The following MINDY4 variants were observed in gnomAD, a reference collection of about 807,000 sequenced individuals.
MINDY4 encodes probable ubiquitin carboxyl-terminal hydrolase MINDY-4.
A neutral mutation model predicts 87.0 loss-of-function variants in MINDY4; 68 were observed. The observed-to-expected ratio is 0.78, with a 90% CI of 0.64 to 0.96. The LOEUF is 0.96. MINDY4 is among the 40% of genes least tolerant of loss of function. The pLI is 0.00. For missense variants in MINDY4, 919 were observed against 928.2 expected, an observed-to-expected ratio of 0.99 and a Z score of 0.13; for synonymous variants, 379 against 363.2, an observed-to-expected ratio of 1.04 and a Z score of -0.50.
intron 1 of MINDY4, among the ~76,000 whole-genome samples, chr7:30,777,689 C>G (rs1786868382): frequency 6.6e-6 from 1 of 152,202 alleles, no homozygotes; most frequent in Non-Finnish European, 1.5e-5. Flanking sequence ...AGGAACACCC[C>G]TAACACCAGG....
chr7:30,817,806 C>G (rs138673352), intron 5 of MINDY4, among the ~76,000 whole-genome samples: 1 of 152,336 alleles, frequency 6.6e-6, no homozygotes, highest in East Asian at 1.9e-4. Context: ...CTGTCCATGT[C>G]TGAACAACTC....
chr7:30,884,376 T>G (rs934901441), intron 17 of MINDY4, among the ~76,000 whole-genome samples: 1 of 152,180 alleles, frequency 6.6e-6, no homozygotes, highest in Non-Finnish European at 1.5e-5. Context: ...TGCTGGTGCT[T>G]CTTTCGTCGG....
intron 3 of MINDY4, 51 bp downstream of exon 3, chr7:30,782,263 A>G (rs2128166060): frequency 7.2e-7 from 1 of 1,398,378 alleles, no homozygotes; most frequent in Middle Eastern, 1.8e-4. Flanking sequence ...TGCCATAACA[A>G]ATTACTATGT....
intron 5 of MINDY4, among the ~76,000 whole-genome samples, chr7:30,823,468 C>T (rs1051002339): frequency 1.3e-5 from 2 of 152,172 alleles, no homozygotes; most frequent in Non-Finnish European, 2.9e-5. Context: ...CTTCTTCCTT[C>T]TTTCCCTTCA....
chr7:30,785,291 CA>C (rs1562529915), intron 3 of MINDY4, among the ~76,000 whole-genome samples: 17 of 151,946 alleles, frequency 1.1e-4, no homozygotes, highest in South Asian at 1.0e-3. Context: ...CACACACACA[CA>C]CACACACACC....
chr7:30,845,831 C>G (rs1489337113), intron 9 of MINDY4, among the ~76,000 whole-genome samples: 1 of 152,234 alleles, frequency 6.6e-6, no homozygotes, highest in African/African-American at 2.4e-5. Flanking sequence ...GCAGGACTGT[C>G]TGGCTTCATT....
chr7:30,788,318 TG>T (rs1394493757), intron 4 of MINDY4, among the ~76,000 whole-genome samples: 1 of 152,260 alleles, frequency 6.6e-6, no homozygotes, highest in Non-Finnish European at 1.5e-5. Flanking sequence ...GTGAACTTTT[TG>T]TACCTTATCA....
At chr7:30,801,713 A>G (rs1012785379) in intron 5 of MINDY4, among the ~76,000 whole-genome samples, 11 of 152,186 alleles carry the variant, frequency 7.2e-5, no homozygotes, top group African/African-American at 2.7e-4. Flanking sequence ...TTGTGTGGTT[A>G]TTATAACCCC....
chr7:30,852,266 G>A lies in MINDY4; in HGVS notation c.1598G>A (p.Gly533Glu). 1.2e-6 allele frequency: 2 copies of A among 1,614,164 alleles called. No homozygotes were observed. Among genetic ancestry groups the A allele is most frequent in the Non-Finnish European group, 1.7e-6 (2 of 1,179,998 alleles). ...CCAACAGGGAAATACAAAGCAGATGGAGTCTTAGAAACAGTACGACTTTCT... is the reference window on the plus strand; with the variant it reads ...CCAACAGGGAAATACAAAGCAGATGAAGTCTTAGAAACAGTACGACTTTCT... Reference protein sequence around the residue: ...FSPTGKYKADGVLETLTLHSL... With the variant: ...FSPTGKYKADEVLETLTLHSL... Residue 533 changes from glycine (G) to glutamate (E), a missense_variant, in exon 11 of 18, where the codon GGA becomes GAA. Coordinates refer to ENST00000265299, the MANE Select transcript of MINDY4 (RefSeq NM_032222.3).
intron 5 of MINDY4, among the ~76,000 whole-genome samples, chr7:30,794,903 T>C (rs934271471): frequency 6.6e-6 from 1 of 152,146 alleles, no homozygotes; most frequent in Non-Finnish European, 1.5e-5. Context: ...TCTCTACACA[T>C]TTGTGGCTCT....
chr7:30,840,670 A>G, intron 8 of MINDY4, 90 bp from the exon 9 acceptor site: 3 of 1,069,914 alleles, frequency 2.8e-6, no homozygotes, highest in Non-Finnish European at 4.2e-6. Flanking sequence ...CCTTTACTCT[A>G]TCAGGTGGGT....
intron 8 of MINDY4, 83 bp downstream of exon 8, chr7:30,839,399 T>C: frequency 2.5e-6 from 2 of 794,606 alleles, no homozygotes; most frequent in Non-Finnish European, 4.0e-6. Flanking sequence ...TTTTGGTTAA[T>C]CCTGTGAGCA....
chr7:30,819,892 A>AT (rs60124746), intron 5 of MINDY4, among the ~76,000 whole-genome samples: 6,282 of 96,734 alleles, frequency 0.065, 1,244 homozygotes, highest in African/African-American at 0.17. Flanking sequence ...CATATAGATA[A>AT]TTTTTTTTTT....
At chr7:30,802,290 A>G (rs1199882194) in intron 5 of MINDY4, among the ~76,000 whole-genome samples, 2 of 151,752 alleles carry the variant, frequency 1.3e-5, no homozygotes, top group East Asian at 3.9e-4. Context: ...TCACTCTCAC[A>G]GTTGTTCAGC....
In MINDY4 at chr7:30,809,037, A is replaced by C. The variant is rs151148658; in HGVS notation, c.1073+17463A>C. Among the ~76,000 whole-genome samples the C allele has an allele frequency of 4.6e-4, 70 of 152,150 alleles. 1 individual carries two copies. Among genetic ancestry groups the C allele is most frequent in the African/African-American group, 1.6e-3 (67 of 41,498 alleles). ...AAATCAAAGAGAGAAAGAAAGAAAG[A>C]GAGAGATATATAAGTAGTTAAGAAA... On this transcript the variant is annotated intron_variant, in intron 5 of 17. Transcript: ENST00000265299.
chr7:30,775,297 C>T (rs1786775940), intron 1 of MINDY4, among the ~76,000 whole-genome samples: 1 of 152,172 alleles, frequency 6.6e-6, no homozygotes, highest in African/African-American at 2.4e-5. Flanking sequence ...CCCACAACCC[C>T]CTCCACAGTT....
At chr7:30,889,263 A>G (rs1387018570) in intron 17 of MINDY4, among the ~76,000 whole-genome samples, 4 of 152,220 alleles carry the variant, frequency 2.6e-5, no homozygotes, top group Non-Finnish European at 4.4e-5. Flanking sequence ...GAAAATCTCA[A>G]ATGCTCATCG....
At chr7:30,890,167 CGT>C (rs1197185351) in intron 17 of MINDY4, among the ~76,000 whole-genome samples, 2 of 152,188 alleles carry the variant, frequency 1.3e-5, no homozygotes, top group Non-Finnish European at 2.9e-5. Context: ...CCTGGCTGAG[CGT>C]GTTTTCCAGC....
chr7:30,874,624 T>G (rs1338946000), intron 14 of MINDY4, among the ~76,000 whole-genome samples: 1 of 152,134 alleles, frequency 6.6e-6, no homozygotes, highest in Non-Finnish European at 1.5e-5. Flanking sequence ...GTAGCTTGAG[T>G]CACAGGACCA....
Sources: gnomAD v4.1 joint callset for allele counts (sites outside exome capture counted in the v4.1 genomes callset) on GRCh38, gnomAD v4.1.1 for gene constraint, MANE v1.5 for transcripts, NCBI Gene and HGNC (gene_info 2026-07-23, HGNC 2026-07-21) for gene names.